The following PRPF39 variants were observed in gnomAD, a reference collection of about 807,000 sequenced individuals.
The protein encoded by PRPF39 is pre-mRNA-processing factor 39.
Under a neutral mutation model 82.1 loss-of-function variants are expected in PRPF39, and 27 were observed. That is an observed-to-expected ratio of 0.33 (90% CI 0.24 to 0.45). PRPF39 has a LOEUF of 0.45. Among genes scored for constraint, PRPF39 ranks in the 20% least tolerant of loss-of-function variants. PRPF39 has a pLI of 1.00. For missense variants in PRPF39, 581 were observed against 796.9 expected (o/e 0.73, Z 3.26); for synonymous variants, 261 against 256.4 (o/e 1.02, Z -0.17).
chr14:45,114,118 C>G, intron 11 of PRPF39, 65 bp from the exon 12 acceptor site: 3 of 1,242,282 alleles, frequency 2.4e-6, no homozygotes, highest in Non-Finnish European at 2.2e-6. Context: ...GTAAAAACAA[C>G]TTTAAATATT....
intron 4 of PRPF39, 47 bp from the exon 5 acceptor site, chr14:45,102,482 G>C: frequency 2.1e-6 from 3 of 1,432,160 alleles, no homozygotes; most frequent in Non-Finnish European, 2.8e-6. Flanking sequence ...TATTTTAAAA[G>C]TGATTTTATC....
chr14:45,108,428 T>C lies in PRPF39; in HGVS notation c.917T>C (p.Ile306Thr). ...ITDPAKLITE[I>T]ENMRHRIIEI... ...TTTCTTCCCAAGCTAATTACAGAAA[T>C]AGAAAACATGAGACATAGAATCATT... The change falls in exon 7 of 14, where the codon ATA (isoleucine) becomes ACA (threonine). Residue 306 changes from isoleucine to threonine, a missense_variant. Coordinates refer to ENST00000355765, the MANE Select transcript of PRPF39 (RefSeq NM_017922.4). The C allele has an allele frequency of 6.3e-7, 1 of 1,577,962 alleles. No individual in the cohort carries two copies. Among genetic ancestry groups the C allele is most frequent in the Non-Finnish European group, 8.6e-7 (1 of 1,168,998 alleles).
At chr14:45,105,097 A>G (rs962504299) in intron 5 of PRPF39, among the ~76,000 whole-genome samples, 2 of 152,190 alleles carry the variant, frequency 1.3e-5, no homozygotes, top group South Asian at 4.1e-4. Context: ...TGTATCTCTA[A>G]TATTTAGGAA....
At chr14:45,102,834 C>T (rs1884417054) in intron 5 of PRPF39, 138 bp downstream of exon 5, 3 of 828,322 alleles carry the variant, frequency 3.6e-6, no homozygotes, top group East Asian at 2.9e-5. Context: ...CTAATCACAA[C>T]CTACATGCTT....
In PRPF39 at chr14:45,097,022, T is replaced by A; in HGVS notation, c.569+17T>A. The A allele has an allele frequency of 6.6e-7, 1 of 1,509,202 alleles. No homozygotes were observed. Among genetic ancestry groups the A allele is most frequent in the Non-Finnish European group, 8.8e-7 (1 of 1,134,828 alleles). The allele number at this position is 1,509,202 out of a possible 1,614,324, so 93.5% of individuals were successfully genotyped here. ...AATAAGAGGGTATGTGGAACATTGA[T>A]ACTGAAATGTTTTTTATGATATAAA... On this transcript the variant is annotated intron_variant, in intron 4 of 13. Coordinates refer to ENST00000355765, the MANE Select transcript of PRPF39 (RefSeq NM_017922.4).
chr14:45,108,745 T>C (rs1443818874), intron 7 of PRPF39, among the ~76,000 whole-genome samples: 3 of 152,238 alleles, frequency 2.0e-5, no homozygotes, highest in Non-Finnish European at 4.4e-5. Flanking sequence ...GCAAGATATC[T>C]GCTTAATCTG....
intron 1 of PRPF39, 41 bp from the exon 2 acceptor site, chr14:45,095,180 G>T: frequency 7.5e-7 from 1 of 1,329,110 alleles, no homozygotes; most frequent in Non-Finnish European, 1.0e-6. Context: ...TAATTTTATT[G>T]GCATTTGGAA....
chr14:45,091,970 GT>G (rs1440840466), intron 1 of PRPF39, among the ~76,000 whole-genome samples: 1 of 152,198 alleles, frequency 6.6e-6, no homozygotes, highest in Non-Finnish European at 1.5e-5. Flanking sequence ...TGATGTCAAG[GT>G]TGGTATTTCT....
chr14:45,110,896 G>A lies in PRPF39; in HGVS notation c.1572+79G>A. 2.3e-6 allele frequency: 3 copies of A among 1,297,470 alleles called. No individual in the cohort carries two copies. The highest frequency in any genetic ancestry group is 1.5e-5 in the South Asian group (1 of 67,286). 80.4% of individuals were successfully genotyped at this position (1,297,470 alleles called of 1,614,324 possible). A position where few individuals can be genotyped will look rare whatever the true frequency, so the allele number is the denominator to read the frequency against. On this transcript the variant is annotated intron_variant, in intron 10 of 13. Coordinates refer to ENST00000355765, the MANE Select transcript of PRPF39 (RefSeq NM_017922.4). The surrounding 1 kb of genome is among the most constrained non-coding windows in gnomAD (Gnocchi z 4.0). The stretch of plus-strand genomic sequence containing the variant: ...GTATTTTCACTGTGGCAACTGTGAT[G>A]AAAGATTTGGTCTGTATGTAATAGA...
At chr14:45,106,623 C>T (rs1283739933) in intron 5 of PRPF39, among the ~76,000 whole-genome samples, 1 of 151,836 alleles carries the variant, frequency 6.6e-6, no homozygotes, top group African/African-American at 2.4e-5. Flanking sequence ...AGAGTATTGG[C>T]AGTTGTATAT....
intron 1 of PRPF39, among the ~76,000 whole-genome samples, chr14:45,086,803 AT>A (rs1336367881): frequency 6.8e-6 from 1 of 147,132 alleles, no homozygotes; most frequent in Non-Finnish European, 1.5e-5. Flanking sequence ...GAAATTTAAT[AT>A]TCGAGTAATA....
At chr14:45,102,136 A>C (rs2139053041) in intron 4 of PRPF39, among the ~76,000 whole-genome samples, 1 of 152,300 alleles carries the variant, frequency 6.6e-6, no homozygotes, top group Non-Finnish European at 1.5e-5. Context: ...TCATGAAAAT[A>C]TTCTTAAATT....
chr14:45,111,660 A>ATTTTTT, intron 10 of PRPF39, among the ~76,000 whole-genome samples: 1 of 38,790 alleles, frequency 2.6e-5, no homozygotes, highest in Non-Finnish European at 4.6e-5. Context: ...TTTTTTTTTG[A>ATTTTTT]GACAGAGTTT....
intron 1 of PRPF39, among the ~76,000 whole-genome samples, chr14:45,087,642 C>T (rs1421448354): frequency 6.6e-6 from 1 of 151,514 alleles, no homozygotes; most frequent in Non-Finnish European, 1.5e-5. Context: ...GGCGCTATCT[C>T]GGCTCACTGC....
In PRPF39 at chr14:45,110,468, G is replaced by T; in HGVS notation, c.1304-81G>T. The T allele has an allele frequency of 3.6e-6, 5 of 1,398,576 alleles. No individual in the cohort carries two copies. The highest frequency in any genetic ancestry group is 1.9e-6 in the Non-Finnish European group (2 of 1,030,120). The allele number at this position is 1,398,576 out of a possible 1,614,324, so 86.6% of individuals were successfully genotyped here. ...TATTAGTTGCTGGATTTAGCCCATG[G>T]GTGATTGTTGCCAGTATCTGGTTAT... On this transcript the variant is annotated intron_variant, in intron 9 of 13. Transcript: ENST00000355765. The surrounding 1 kb of genome is among the most constrained non-coding windows in gnomAD (Gnocchi z 4.0).
chr14:45,096,501 G>A, intron 3 of PRPF39: 1 of 1,447,378 alleles, frequency 6.9e-7, no homozygotes, highest in Non-Finnish European at 9.2e-7. Flanking sequence ...AAGTAGGGCA[G>A]GGCTTTTCTC....
intron 1 of PRPF39, among the ~76,000 whole-genome samples, chr14:45,090,949 G>T (rs1255831784): frequency 6.6e-6 from 1 of 151,998 alleles, no homozygotes; most frequent in Non-Finnish European, 1.5e-5. Context: ...GATTTACCTG[G>T]TTATAGCTAA....
chr14:45,090,329 G>A (rs1284254020), intron 1 of PRPF39, among the ~76,000 whole-genome samples: 1 of 152,116 alleles, frequency 6.6e-6, no homozygotes, highest in African/African-American at 2.4e-5. Context: ...TATTTTTTCT[G>A]GTAGTCTACT....
chr14:45,101,091 T>C (rs1884360031), intron 4 of PRPF39, among the ~76,000 whole-genome samples: 1 of 152,242 alleles, frequency 6.6e-6, no homozygotes, highest in Admixed American at 6.5e-5. Flanking sequence ...TTCTGTTACC[T>C]GGCCAGTGCC....
Sources: allele counts gnomAD v4.1 joint callset (sites outside exome capture counted in the v4.1 genomes callset), GRCh38; gene constraint gnomAD v4.1.1; non-coding constraint Gnocchi (gnomAD v3.1); transcripts MANE v1.5; gene names NCBI Gene and HGNC (gene_info 2026-07-23, HGNC 2026-07-21).